Variants in NRG1 observed in about 807,000 individuals in gnomAD.
The protein encoded by NRG1 is pro-neuregulin-1, membrane-bound isoform.
In NRG1, 18 loss-of-function variants were observed where a neutral mutation model predicts 63.8. That is an observed-to-expected ratio of 0.28 (90% CI 0.19 to 0.42). The LOEUF (loss-of-function observed/expected upper bound fraction) is 0.42. Among genes scored for constraint, NRG1 ranks in the 10% least tolerant of loss-of-function variants. The probability of loss-of-function intolerance (pLI) is 1.00; values close to 1 mark genes in which losing one functional copy is unlikely to be tolerated. For missense variants in NRG1, 762 were observed against 814.7 expected, an observed-to-expected ratio of 0.94 and a Z score of 0.79; for synonymous variants, 302 against 301.3, an observed-to-expected ratio of 1.00 and a Z score of -0.02.
At chr8:32,441,680 A>C (rs1313828128) in intron 1 of NRG1, among the ~76,000 whole-genome samples, 1 of 151,968 alleles carries the variant, frequency 6.6e-6, no homozygotes, top group Non-Finnish European at 1.5e-5. Flanking sequence ...TGCTTTCAAG[A>C]CTCTTCAAAG....
At chr8:31,653,526 T>C (rs1585421805) in intron 1 of NRG1, among the ~76,000 whole-genome samples, 1 of 152,178 alleles carries the variant, frequency 6.6e-6, no homozygotes, top group Admixed American at 6.5e-5. Context: ...ATAGGCAGGG[T>C]TCCAATTTGT....
At chr8:32,553,699 G>C (rs1022002688) in intron 1 of NRG1, among the ~76,000 whole-genome samples, 2 of 151,950 alleles carry the variant, frequency 1.3e-5, no homozygotes. Context: ...TTTGGGACTC[G>C]TATAAATTGC....
intron 1 of NRG1, among the ~76,000 whole-genome samples, chr8:31,748,755 ACTC>A (rs1312724324): frequency 6.6e-6 from 1 of 151,196 alleles, no homozygotes; most frequent in Admixed American, 6.6e-5. Context: ...AATTTTTGGC[ACTC>A]CTCCTTTCAC....
intron 1 of NRG1, among the ~76,000 whole-genome samples, chr8:31,949,398 T>C (rs2129622738): frequency 6.6e-6 from 1 of 152,334 alleles, no homozygotes; most frequent in Middle Eastern, 3.4e-3. Context: ...CATTTGTTTC[T>C]CAACCCATTC....
chr8:32,158,319 G>A (rs2131884082), intron 1 of NRG1, among the ~76,000 whole-genome samples: 1 of 151,440 alleles, frequency 6.6e-6, no homozygotes, highest in African/African-American at 2.4e-5. Flanking sequence ...GGTGCCATGT[G>A]TTATTTGCTA....
chr8:32,231,410 TA>T (rs1451229046), intron 1 of NRG1, among the ~76,000 whole-genome samples: 1 of 152,160 alleles, frequency 6.6e-6, no homozygotes, highest in Non-Finnish European at 1.5e-5. Flanking sequence ...GGGCATATTA[TA>T]TTATTATTCC....
At chr8:31,923,103 C>T (rs1317724918) in intron 1 of NRG1, among the ~76,000 whole-genome samples, 4 of 152,008 alleles carry the variant, frequency 2.6e-5, no homozygotes, top group Admixed American at 6.6e-5. Flanking sequence ...TTTATTTCAC[C>T]GTTAAGTATG....
chr8:32,197,838 T>C (rs1194287293), intron 1 of NRG1, among the ~76,000 whole-genome samples: 1 of 152,230 alleles, frequency 6.6e-6, no homozygotes, highest in Non-Finnish European at 1.5e-5. Flanking sequence ...AGCCTTCTGA[T>C]ATTTTAAGCA....
intron 1 of NRG1, among the ~76,000 whole-genome samples, chr8:32,106,221 G>A (rs1025920274): frequency 6.6e-6 from 1 of 152,182 alleles, no homozygotes; most frequent in African/African-American, 2.4e-5. Context: ...TTCTTTGAAT[G>A]TAGCCATTAT....
At chr8:32,524,160 G>A (rs972743507) in intron 1 of NRG1, among the ~76,000 whole-genome samples, 3 of 152,032 alleles carry the variant, frequency 2.0e-5, no homozygotes, top group African/African-American at 7.2e-5. Context: ...GGTGGCATGT[G>A]CCTGTAGTCC....
chr8:32,521,150 A>G (rs1019085144), intron 1 of NRG1, among the ~76,000 whole-genome samples: 1 of 152,200 alleles, frequency 6.6e-6, no homozygotes, highest in African/African-American at 2.4e-5. Flanking sequence ...GTTTGGTACT[A>G]TCCATGGTTT....
intron 1 of NRG1, among the ~76,000 whole-genome samples, chr8:32,063,991 T>C (rs1199578152): frequency 2.0e-5 from 3 of 152,040 alleles, no homozygotes; most frequent in African/African-American, 7.2e-5. Context: ...TTGTATTTAT[T>C]GGAGTCCAGG....
intron 1 of NRG1, chr8:32,030,500 A>G (rs1221788303): frequency 1.3e-5 from 2 of 152,150 alleles, no homozygotes; most frequent in African/African-American, 4.8e-5. Flanking sequence ...TCACCTTTTC[A>G]ACTCTATCCC....
At chr8:32,305,355 T>C (rs1856067204) in intron 1 of NRG1, among the ~76,000 whole-genome samples, 1 of 152,184 alleles carries the variant, frequency 6.6e-6, no homozygotes, top group African/African-American at 2.4e-5. Flanking sequence ...AATTCTAGCA[T>C]AGCATAGAAT....
chr8:32,027,222 A>G (rs1817517189), intron 1 of NRG1, among the ~76,000 whole-genome samples: 1 of 152,052 alleles, frequency 6.6e-6, no homozygotes, highest in East Asian at 1.9e-4. Context: ...TAGTATTTTT[A>G]TGTTTCTTGT....
intron 1 of NRG1, among the ~76,000 whole-genome samples, chr8:32,315,147 G>A (rs546743515): frequency 6.6e-6 from 1 of 152,222 alleles, no homozygotes; most frequent in African/African-American, 2.4e-5. Context: ...ATAGGTAAAC[G>A]TGTGCCATGG....
intron 1 of NRG1, among the ~76,000 whole-genome samples, chr8:32,117,778 A>T (rs1407894156): frequency 6.6e-6 from 1 of 152,084 alleles, no homozygotes; most frequent in Non-Finnish European, 1.5e-5. Context: ...TGGTTCTTTG[A>T]CAATTTTTGT....
At chr8:32,177,073 C>T (rs1840844898) in intron 1 of NRG1, among the ~76,000 whole-genome samples, 1 of 152,270 alleles carries the variant, frequency 6.6e-6, no homozygotes, top group South Asian at 2.1e-4. Context: ...CACTTGAAAA[C>T]AAGTGAAATG....
chr8:31,831,808 A>T (rs560335683), intron 1 of NRG1, among the ~76,000 whole-genome samples: 4 of 152,272 alleles, frequency 2.6e-5, no homozygotes, highest in African/African-American at 9.6e-5. Context: ...TGAGATTTGT[A>T]TACAAACCCT....
Sources: allele counts gnomAD v4.1 joint callset (sites outside exome capture counted in the v4.1 genomes callset), GRCh38; gene constraint gnomAD v4.1.1; transcripts MANE v1.5; gene names NCBI Gene and HGNC (gene_info 2026-07-23, HGNC 2026-07-21).